The following JAKMIP3 variants were observed in gnomAD, a reference collection of about 807,000 sequenced individuals.
JAKMIP3 encodes janus kinase and microtubule-interacting protein 3.
A neutral mutation model predicts 118.5 loss-of-function variants in JAKMIP3; 58 were observed. The observed-to-expected ratio is 0.49, with a 90% CI of 0.40 to 0.61. The LOEUF (loss-of-function observed/expected upper bound fraction) is 0.61, where lower values mean the gene tolerates loss of function less well. JAKMIP3 is among the 20% of genes least tolerant of loss of function. The pLI is 0.00. For synonymous variants in JAKMIP3, 486 were observed against 451.2 expected (o/e 1.08, Z -0.98); for missense variants, 950 against 1,109.0 (o/e 0.86, Z 2.04).
intron 14 of JAKMIP3, among the ~76,000 whole-genome samples, 191 bp from the exon 15 acceptor site, chr10:132,149,221 A>G (rs538102954): frequency 4.9e-4 from 74 of 152,208 alleles, no homozygotes; most frequent in African/African-American, 1.7e-3. Flanking sequence ...ATACAGGGGC[A>G]GTCCTTGTGG....
chr10:132,173,627 C>T lies in JAKMIP3; in HGVS notation c.*1103+4594C>T, dbSNP rs368639368. ...CTGATATTTCATTCATGTTTCTTCA[C>T]ATATTGACTCTTTGAAAAAATTTAC... On this transcript the variant is annotated intron_variant, in intron 23 of 23. Coordinates refer to ENST00000684848, the MANE Select transcript of JAKMIP3 (RefSeq NM_001323087.2). 1.6e-3 allele frequency among the ~76,000 whole-genome samples: 245 copies of T among 152,300 alleles called. 5 individuals carry two copies. In the South Asian group the frequency reaches 0.02, roughly 12 times the overall value.
chr10:132,060,508 C>T (rs1421424144), upstream of JAKMIP3, among the ~76,000 whole-genome samples: 2 of 152,120 alleles, frequency 1.3e-5, no homozygotes, highest in Non-Finnish European at 2.9e-5. Flanking sequence ...GGAAGGGAAC[C>T]TACCAAAATC....
At chr10:132,080,503 A>ATTTTTTTTTTTTTTTTTT (rs201838731) in intron 1 of JAKMIP3, among the ~76,000 whole-genome samples, 3 of 61,578 alleles carry the variant, frequency 4.9e-5, no homozygotes, top group African/African-American at 2.1e-4. Context: ...AAGTTATAGG[A>ATTTTTTTTTTTTTTTTTT]TTTTTTTTTT....
At chr10:132,174,728 G>A (rs942164749) in intron 23 of JAKMIP3, among the ~76,000 whole-genome samples, 66 of 152,216 alleles carry the variant, frequency 4.3e-4, no homozygotes, top group Non-Finnish European at 9.3e-4. Context: ...TTCCACCGGC[G>A]CTGGGAGGAT....
intron 1 of JAKMIP3, among the ~76,000 whole-genome samples, chr10:132,094,577 G>A (rs1358125864): frequency 6.6e-6 from 1 of 152,138 alleles, no homozygotes; most frequent in Admixed American, 6.5e-5. Flanking sequence ...GGCTGGTACT[G>A]GGGGTTGTCT....
At chr10:132,084,668 G>A (rs1393274154) in intron 1 of JAKMIP3, among the ~76,000 whole-genome samples, 1 of 152,150 alleles carries the variant, frequency 6.6e-6, no homozygotes, top group Non-Finnish European at 1.5e-5. Flanking sequence ...CAGAGGGAAT[G>A]CTTTCAGCTT....
At chr10:132,128,639 A>T (rs921915883) in intron 3 of JAKMIP3, among the ~76,000 whole-genome samples, 6 of 151,646 alleles carry the variant, frequency 4.0e-5, no homozygotes, top group African/African-American at 1.5e-4. Flanking sequence ...CTATCATTTT[A>T]TCTTGGGTTT....
intron 1 of JAKMIP3, among the ~76,000 whole-genome samples, chr10:132,037,111 G>C (rs114294335): frequency 6.6e-6 from 1 of 152,374 alleles, no homozygotes; most frequent in African/African-American, 2.4e-5. Context: ...GTTGGTGTCT[G>C]GTTTTTAAAT....
intron 23 of JAKMIP3, among the ~76,000 whole-genome samples, chr10:132,172,824 G>A (rs552157778): frequency 8.6e-5 from 13 of 151,788 alleles, no homozygotes; most frequent in South Asian, 4.2e-4. Context: ...CTCTGGACCT[G>A]GGTGTGCTTG....
chr10:132,180,782 T>TGTGTGTGTGCGCGC (rs1554963508), intron 23 of JAKMIP3, among the ~76,000 whole-genome samples: 1 of 60,610 alleles, frequency 1.6e-5, no homozygotes, highest in African/African-American at 8.1e-5. Flanking sequence ...TGTGTGTGTG[T>TGTGTGTGTGCGCGC]GCGCGTATGC....
intron 1 of JAKMIP3, among the ~76,000 whole-genome samples, chr10:132,042,184 C>CTTCCTTACTTCCTTCCT (rs1554909339): frequency 5.1e-4 from 68 of 132,194 alleles, no homozygotes; most frequent in African/African-American, 2.0e-3. Context: ...TGCTCGCTCG[C>CTTCCTTACTTCCTTCCT]TCCTTCCTTC....
intron 1 of JAKMIP3, among the ~76,000 whole-genome samples, chr10:132,075,202 A>G (rs1458442086): frequency 6.6e-6 from 1 of 152,164 alleles, no homozygotes; most frequent in Non-Finnish European, 1.5e-5. Context: ...ATTCTGTGAA[A>G]AATGATGTTG....
rs79717407 is a variant in JAKMIP3 at position 132,164,509 on chromosome 10, C to T, written c.2425-161C>T. ...AAGACCCTCCACTCTCCTGCCAGAGCAGTGCAGCAAAGGCTTGTGTCCTCG... is the reference window on the plus strand; with the variant it reads ...AAGACCCTCCACTCTCCTGCCAGAGTAGTGCAGCAAAGGCTTGTGTCCTCG... On this transcript the variant is annotated intron_variant, in intron 20 of 23. Transcript: ENST00000684848. 5.6e-3 allele frequency among the ~76,000 whole-genome samples: 851 copies of T among 152,386 alleles called. 15 individuals carry two copies. The highest frequency in any genetic ancestry group is 0.019 in the African/African-American group (789 of 41,594).
chr10:132,136,138 C>T, intron 6 of JAKMIP3, 62 bp downstream of exon 6: 2 of 1,552,508 alleles, frequency 1.3e-6, no homozygotes, highest in East Asian at 2.3e-5. Context: ...AGCATCTCCT[C>T]CCTTCTCCAC....
At chr10:132,091,423 C>T (rs1374598297) in intron 1 of JAKMIP3, among the ~76,000 whole-genome samples, 2 of 152,128 alleles carry the variant, frequency 1.3e-5, no homozygotes, top group Non-Finnish European at 2.9e-5. Context: ...CTTTGTAGGT[C>T]TCTAAGGAGT....
chr10:132,157,101 G>C (rs2057189863), intron 19 of JAKMIP3, among the ~76,000 whole-genome samples: 1 of 152,144 alleles, frequency 6.6e-6, no homozygotes, highest in African/African-American at 2.4e-5. Flanking sequence ...TGGTCATCAT[G>C]CCAATGGTAG....
At chr10:132,128,678 A>C (rs2050052105) in intron 3 of JAKMIP3, among the ~76,000 whole-genome samples, 1 of 152,084 alleles carries the variant, frequency 6.6e-6, no homozygotes, top group Non-Finnish European at 1.5e-5. Flanking sequence ...GTCTGCTTTT[A>C]AACCTTTGTA....
chr10:132,159,349 G>C (rs1327854673), intron 19 of JAKMIP3, among the ~76,000 whole-genome samples: 1 of 111,552 alleles, frequency 9.0e-6, no homozygotes, highest in Non-Finnish European at 1.8e-5. Flanking sequence ...ATGCTGAGGG[G>C]GCCTCTCCCT....
At chr10:132,145,713 T>TGCTCC (rs1217181548) in intron 13 of JAKMIP3, 133 bp downstream of exon 13, 8 of 729,318 alleles carry the variant, frequency 1.1e-5, no homozygotes, top group Non-Finnish European at 1.8e-5. Flanking sequence ...CCTTCTGCTC[T>TGCTCC]GCTCCCTCCT....
Sources: gnomAD v4.1 joint callset for allele counts (sites outside exome capture counted in the v4.1 genomes callset) on GRCh38, gnomAD v4.1.1 for gene constraint, MANE v1.5 for transcripts, NCBI Gene and HGNC (gene_info 2026-07-23, HGNC 2026-07-21) for gene names.